Variants in CCDC171 observed in about 807,000 individuals in gnomAD.
The protein encoded by CCDC171 is coiled-coil domain containing 171, also known as coiled-coil domain-containing protein 171.
In CCDC171, 177 loss-of-function variants were observed where a neutral mutation model predicts 168.2. The ratio of observed to expected loss-of-function variants is 1.05; its 90% CI spans 0.93 to 1.19. CCDC171 has a LOEUF of 1.19. CCDC171 is among the 50% of genes most tolerant of loss of function. CCDC171 has a pLI of 0.00. For missense variants in CCDC171, 1,991 were observed against 1,539.0 expected (o/e 1.29, Z -4.91); for synonymous variants, 687 against 540.8 (o/e 1.27, Z -3.75).
rs376034490 is a variant in CCDC171, at chr9:15,603,205, C to T, written c.675+9033C>T. ...TTCACCGTGTTAGCCAGGATGGTTT[C>T]GATCTCCTGACCTTGTGATCTTCCC... On this transcript the variant is annotated intron_variant, in intron 6 of 25. Coordinates refer to ENST00000380701, the MANE Select transcript of CCDC171 (RefSeq NM_173550.4). Among the ~76,000 whole-genome samples the T allele has an allele frequency of 2.5e-4, 38 of 152,062 alleles. No homozygotes were observed. The East Asian group carries it at 5.6e-3, about 23-fold the overall frequency.
At chr9:15,788,494 T>A (rs1466151285) in intron 21 of CCDC171, among the ~76,000 whole-genome samples, 3 of 23,642 alleles carry the variant, frequency 1.3e-4, no homozygotes, top group African/African-American at 3.2e-4. Context: ...GTAGAAGATA[T>A]GGATACAGAA....
At chr9:15,636,162 A>G (rs765164860) in intron 7 of CCDC171, among the ~76,000 whole-genome samples, 1 of 152,080 alleles carries the variant, frequency 6.6e-6, no homozygotes, top group Non-Finnish European at 1.5e-5. Flanking sequence ...ATGTATATAT[A>G]TATATATCTA....
At chr9:15,788,666 C>T (rs948360305) in intron 21 of CCDC171, among the ~76,000 whole-genome samples, 1 of 151,762 alleles carries the variant, frequency 6.6e-6, no homozygotes, top group South Asian at 2.1e-4. Context: ...TCTCCTGCCT[C>T]ACCCTATCAA....
At chr9:16,079,343 G>T in the CCDC171 span, among the ~76,000 whole-genome samples, 1 of 152,130 alleles carries the variant, frequency 6.6e-6, no homozygotes, top group African/African-American at 2.4e-5. Flanking sequence ...TGGAGCTAGG[G>T]TCTTCACAGA....
intron 11 of CCDC171, among the ~76,000 whole-genome samples, chr9:15,699,705 G>A (rs75381821): frequency 6.6e-6 from 1 of 152,126 alleles, no homozygotes. Context: ...GTACTGATTG[G>A]TGTGTTTACA....
rs372597853 is a variant in CCDC171 at position 15,606,049 on chromosome 9, G to A, written c.675+11877G>A. On this transcript the variant is annotated intron_variant, in intron 6 of 25. Coordinates refer to ENST00000380701, the MANE Select transcript of CCDC171 (RefSeq NM_173550.4). Reference sequence around the variant, plus strand: ...ATAACGTTTAATTTATAAATTAGGCGCAGTAAGAGATTAACGATGTAACTA... The same window carrying A: ...ATAACGTTTAATTTATAAATTAGGCACAGTAAGAGATTAACGATGTAACTA... Among the ~76,000 whole-genome samples the A allele has an allele frequency of 1.2e-4, 19 of 152,128 alleles. No individual in the cohort carries two copies. In the East Asian group the frequency reaches 2.3e-3, roughly 19 times the overall value.
At chr9:15,596,145 T>G (rs1425368268) in intron 6 of CCDC171, among the ~76,000 whole-genome samples, 2 of 152,188 alleles carry the variant, frequency 1.3e-5, no homozygotes, top group Non-Finnish European at 2.9e-5. Context: ...GCTCTTTAGT[T>G]TAATTAGATC....
intron 24 of CCDC171, among the ~76,000 whole-genome samples, chr9:15,918,672 A>G (rs1196618245): frequency 6.6e-6 from 1 of 151,700 alleles, no homozygotes; most frequent in Non-Finnish European, 1.5e-5. Context: ...GTAAGAAGTC[A>G]TATAATGCTT....
downstream of CCDC171, among the ~76,000 whole-genome samples, chr9:16,062,224 G>T (rs1432082350): frequency 6.6e-6 from 1 of 152,138 alleles, no homozygotes; most frequent in African/African-American, 2.4e-5. Context: ...GAAGGTTATG[G>T]ACAGAGAAAG....
chr9:15,578,736 A>C (rs1332276283), intron 3 of CCDC171, 113 bp from the exon 4 acceptor site: 4 of 622,488 alleles, frequency 6.4e-6, no homozygotes, highest in African/African-American at 5.7e-5. Context: ...ATAAATTTAT[A>C]AATTTTTGCC....
chr9:15,981,353 T>G (rs562886985), intron 3 of CCDC171, among the ~76,000 whole-genome samples: 1 of 152,300 alleles, frequency 6.6e-6, no homozygotes, highest in African/African-American at 2.4e-5. Flanking sequence ...TGGCTTTCTG[T>G]AAGCTAGGAA....
intron 6 of CCDC171, among the ~76,000 whole-genome samples, chr9:15,619,495 A>T (rs2044343854): frequency 6.6e-6 from 1 of 152,162 alleles, no homozygotes; most frequent in African/African-American, 2.4e-5. Context: ...TTAGAACAAG[A>T]CCCTAACTCT....
chr9:15,822,015 C>T (rs1432575259), intron 21 of CCDC171, among the ~76,000 whole-genome samples: 1 of 152,126 alleles, frequency 6.6e-6, no homozygotes, highest in East Asian at 1.9e-4. Flanking sequence ...ACAGAGCCCT[C>T]AGAAATAATG....
intron 11 of CCDC171, among the ~76,000 whole-genome samples, chr9:15,711,315 A>G (rs1396915198): frequency 6.6e-6 from 1 of 152,146 alleles, no homozygotes; most frequent in Non-Finnish European, 1.5e-5. Flanking sequence ...TTCACTTTAA[A>G]TTCTTCATCT....
In CCDC171 at chr9:15,560,140, C is replaced by T. The variant is rs568396420; in HGVS notation, c.-111-3838C>T. Among the ~76,000 whole-genome samples, 211 of 151,786 alleles carry T rather than the reference C, an allele frequency of 1.4e-3. 2 individuals carry two copies. Among genetic ancestry groups the T allele is most frequent in the African/African-American group, 4.8e-3 (200 of 41,472 alleles). ...GGGCTTCCCTTTGTGGGTAACCTGA[C>T]GTTTCTGGCTGCCCTTAATATTTTT... On this transcript the variant is annotated intron_variant, in intron 1 of 25. Coordinates refer to ENST00000380701, the MANE Select transcript of CCDC171 (RefSeq NM_173550.4).
chr9:15,650,260 G>A (rs1381307072), intron 7 of CCDC171, among the ~76,000 whole-genome samples: 1 of 152,140 alleles, frequency 6.6e-6, no homozygotes, highest in African/African-American at 2.4e-5. Context: ...GGGGTGGAGG[G>A]ATGGGGGAGG....
chr9:15,623,432 T>G lies in CCDC171; in HGVS notation c.822+19T>G. On this transcript the variant is annotated intron_variant, in intron 7 of 25. Coordinates refer to ENST00000380701, the MANE Select transcript of CCDC171 (RefSeq NM_173550.4). Reference sequence around the variant, plus strand: ...ATTTGAGGTACATTTTCTCATTCCTTTATAATATATATGCGTACAAACTTT... The same window carrying G: ...ATTTGAGGTACATTTTCTCATTCCTGTATAATATATATGCGTACAAACTTT... 6.5e-7 allele frequency: 1 copy of G among 1,548,102 alleles called. No homozygotes were observed. Among genetic ancestry groups the G allele is most frequent in the South Asian group, 1.1e-5 (1 of 87,392 alleles).
intron 21 of CCDC171, among the ~76,000 whole-genome samples, chr9:15,802,358 G>C (rs2058865387): frequency 6.6e-6 from 1 of 151,812 alleles, no homozygotes; most frequent in South Asian, 2.1e-4. Context: ...CTATCACCCA[G>C]GTATTAAGCC....
intron 16 of CCDC171, among the ~76,000 whole-genome samples, chr9:15,742,246 G>C (rs1192985728): frequency 6.6e-6 from 1 of 152,088 alleles, no homozygotes; most frequent in Non-Finnish European, 1.5e-5. Flanking sequence ...ACTAAGAATA[G>C]GGACAGTTCC....
Sources: allele counts gnomAD v4.1 joint callset (sites outside exome capture counted in the v4.1 genomes callset), GRCh38; gene constraint gnomAD v4.1.1; transcripts MANE v1.5; gene names NCBI Gene and HGNC (gene_info 2026-07-23, HGNC 2026-07-21).